XAF1: variants seen among roughly 807,000 people sequenced by gnomAD.
The protein encoded by XAF1 is XIAP-associated factor 1.
A neutral mutation model predicts 32.3 loss-of-function variants in XAF1; 32 were observed. The ratio of observed to expected loss-of-function variants is 0.99; its 90% CI spans 0.75 to 1.33. The LOEUF is 1.33. Ranked by LOEUF, XAF1 falls within the 40% of genes most tolerant of loss-of-function variation. The pLI is 0.00. For synonymous variants in XAF1, 120 were observed against 125.9 expected, an observed-to-expected ratio of 0.95 and a Z score of 0.31; for missense variants, 379 against 366.0, an observed-to-expected ratio of 1.04 and a Z score of -0.29.
At position 6,774,452 on chromosome 17, in the gene XAF1, A is replaced by G. The variant is rs1408014979; in HGVS notation, c.*1283A>G. On this transcript the variant is annotated 3_prime_UTR_variant, in exon 7 of 7. Transcript: ENST00000361842. ...TTAAAGACTTAAATGTAAAACCCCA[A>G]ACTATAAAAACTCTGGAAGATAACC... is the stretch of plus-strand genomic sequence containing the variant. 6.6e-6 allele frequency: 1 copy of G among 152,178 alleles called. No individual in the cohort carries two copies. Among genetic ancestry groups the G allele is most frequent in the Non-Finnish European group, 1.5e-5 (1 of 68,040 alleles). 9.4% of individuals were successfully genotyped at this position (152,178 alleles called of 1,614,324 possible).
intron 4 of XAF1, among the ~76,000 whole-genome samples, 194 bp downstream of exon 4, chr17:6,760,795 A>G (rs1975136693): frequency 6.6e-6 from 1 of 152,174 alleles, no homozygotes; most frequent in Non-Finnish European, 1.5e-5. Flanking sequence ...GTGGCCTTCA[A>G]ATGACTGGTC....
Position 6,760,475 on chromosome 17 carries a change from G to A in XAF1, c.295G>A (p.Glu99Lys), listed in dbSNP as rs765602611. ...CKLDMQLSKL[E>K]LHESYCGSRT... ...ACTGGACATGCAGCTCAGCAAGCTG[G>A]AGCTCCACGAGTCCTACTGTGGCAG... The change falls in exon 4 of 7, where the codon GAG becomes AAG. Residue 99 changes from glutamate to lysine, a missense_variant. Glu to Lys is a moderately conservative substitution (Grantham distance 56, BLOSUM62 1). Transcript: ENST00000361842. The A allele has an allele frequency of 6.2e-7, 1 of 1,613,336 alleles. No homozygotes were observed. The highest frequency in any genetic ancestry group is 8.5e-7 in the Non-Finnish European group (1 of 1,179,758).
intron 5 of XAF1, 113 bp downstream of exon 5, chr17:6,762,353 G>A (rs1975287008): frequency 1.2e-6 from 1 of 866,912 alleles, no homozygotes; most frequent in Admixed American, 3.0e-5. Context: ...GATATTAAAG[G>A]GTCCCATATT....
intron 5 of XAF1, among the ~76,000 whole-genome samples, chr17:6,764,349 A>G (rs903418680): frequency 1.3e-5 from 2 of 151,626 alleles, no homozygotes; most frequent in African/African-American, 2.4e-5. Context: ...GGTATAATAT[A>G]CCCTCTCTTT....
intron 5 of XAF1, among the ~76,000 whole-genome samples, chr17:6,765,884 G>T (rs1220144014): frequency 1.3e-5 from 2 of 152,074 alleles, no homozygotes; most frequent in African/African-American, 2.4e-5. Context: ...ACTGATTCTT[G>T]CCCCATTTTA....
intron 5 of XAF1, among the ~76,000 whole-genome samples, chr17:6,769,489 T>C (rs1416573742): frequency 6.6e-6 from 1 of 152,232 alleles, no homozygotes; most frequent in African/African-American, 2.4e-5. Flanking sequence ...TTTTCCCAGA[T>C]TTAATCATTT....
At chr17:6,767,395 T>A (rs1431278947) in intron 5 of XAF1, among the ~76,000 whole-genome samples, 1 of 152,136 alleles carries the variant, frequency 6.6e-6, no homozygotes, top group South Asian at 2.1e-4. Context: ...CCGAAGAAGA[T>A]TACAAGCAAA....
chr17:6,762,663 A>G (rs918690300), intron 5 of XAF1, among the ~76,000 whole-genome samples: 10 of 152,222 alleles, frequency 6.6e-5, no homozygotes, highest in African/African-American at 2.4e-4. Flanking sequence ...GTGCAAAAAG[A>G]GGACTCTGTA....
intron 6 of XAF1, among the ~76,000 whole-genome samples, chr17:6,772,573 C>T (rs1019336325): frequency 6.1e-5 from 9 of 148,062 alleles, no homozygotes; most frequent in African/African-American, 2.0e-4. Flanking sequence ...CGGGTTCAAG[C>T]GATTCTCCTG....
rs1454927645 is a variant in XAF1 at position 6,759,864 on chromosome 17, GC to G, written c.225+149del. 4.4e-6 allele frequency: 6 copies of G among 1,367,526 alleles called. No homozygotes were observed. The African/African-American group carries it at 7.1e-5, about 16-fold the overall frequency. 84.7% of individuals were successfully genotyped at this position (1,367,526 alleles called of 1,614,324 possible). A position where few individuals can be genotyped will look rare whatever the true frequency, so the allele number is the denominator to read the frequency against. On this transcript the variant is annotated intron_variant, in intron 3 of 6. Transcript: ENST00000361842. ...AGGCTTGGAGAGCAGTGGAGAACTA[GC>G]CCACCGCATAACACAGGTTCTCCTG... is the stretch of plus-strand genomic sequence containing the variant.
intron 4 of XAF1, among the ~76,000 whole-genome samples, chr17:6,761,366 A>G (rs1975191957): frequency 6.6e-6 from 1 of 152,204 alleles, no homozygotes; most frequent in African/African-American, 2.4e-5. Flanking sequence ...TCCATTATCA[A>G]CAATGGCCAG....
chr17:6,760,390 C>T lies in XAF1; in HGVS notation c.226-16C>T, dbSNP rs766983563. 19 of 1,598,710 alleles carry T rather than the reference C, an allele frequency of 1.2e-5. No homozygotes were observed. The highest frequency in any genetic ancestry group is 5.4e-5 in the African/African-American group (4 of 74,218). On this transcript the variant is annotated splice_polypyrimidine_tract_variant and intron_variant, in intron 3 of 6. Coordinates refer to ENST00000361842, the MANE Select transcript of XAF1 (RefSeq NM_017523.5). Reference sequence around the variant, plus strand: ...AAAAGGGCCAGTGATCATGCCCTTCCTGCTGCCTCCCACAGGCCAATGAGT... The same window carrying T: ...AAAAGGGCCAGTGATCATGCCCTTCTTGCTGCCTCCCACAGGCCAATGAGT...
At chr17:6,770,571 C>T in intron 5 of XAF1, 72 bp from the exon 6 acceptor site, 2 of 1,239,074 alleles carry the variant, frequency 1.6e-6, no homozygotes, top group Non-Finnish European at 2.3e-6. Flanking sequence ...CTTGTGTTAT[C>T]TAGTCTACTG....
At chr17:6,764,532 T>C (rs1441731327) in intron 5 of XAF1, among the ~76,000 whole-genome samples, 1 of 152,150 alleles carries the variant, frequency 6.6e-6, no homozygotes, top group Non-Finnish European at 1.5e-5. Flanking sequence ...GGTACCACTA[T>C]TGAATATTTA....
rs907155613 is a variant in XAF1, at chr17:6,775,376, A to G, written c.*2207A>G. The G allele has an allele frequency of 1.3e-5, 2 of 152,200 alleles. No homozygotes were observed. Among genetic ancestry groups the G allele is most frequent in the Non-Finnish European group, 2.9e-5 (2 of 68,038 alleles). 9.4% of individuals were successfully genotyped at this position (152,200 alleles called of 1,614,324 possible). A position where few individuals can be genotyped will look rare whatever the true frequency, so the allele number is the denominator to read the frequency against. On this transcript the variant is annotated 3_prime_UTR_variant, in exon 7 of 7. Transcript: ENST00000361842. ...ATAATCTGTACAACAAACCCTGGTG[A>G]CATGCAATTTACCTATATAGCAAGC...
chr17:6,759,842 C>A, intron 3 of XAF1, 124 bp downstream of exon 3: 3 of 1,538,714 alleles, frequency 1.9e-6, no homozygotes, highest in South Asian at 1.2e-5. Flanking sequence ...CCCCATTAGG[C>A]TTGGAGAGCA....
intron 1 of XAF1, 130 bp downstream of exon 1, chr17:6,756,240 G>GACC: frequency 6.5e-7 from 1 of 1,538,660 alleles, no homozygotes; most frequent in South Asian, 1.2e-5. Context: ...AGCAGCTGGA[G>GACC]ACCGTGGGCC....
In XAF1 at chr17:6,774,263, A is replaced by G. The variant is rs1461389159; in HGVS notation, c.*1094A>G. ...GAATAGAGGGCCCAGAAATAAAGCT[A>G]CACACCTACAACCATCTAATCTTTG... is the stretch of plus-strand genomic sequence containing the variant. On this transcript the variant is annotated 3_prime_UTR_variant, in exon 7 of 7. Transcript: ENST00000361842. 6.6e-6 allele frequency: 1 copy of G among 152,216 alleles called. No individual in the cohort carries two copies. Among genetic ancestry groups the G allele is most frequent in the Non-Finnish European group, 1.5e-5 (1 of 68,040 alleles). The allele number at this position is 152,216 out of a possible 1,614,324, so 9.4% of individuals were successfully genotyped here. A position where few individuals can be genotyped will look rare whatever the true frequency, so the allele number is the denominator to read the frequency against.
chr17:6,756,388 C>A, intron 1 of XAF1: 1 of 878,128 alleles, frequency 1.1e-6, no homozygotes, highest in Non-Finnish European at 1.6e-6. Flanking sequence ...GCCAGTGGTC[C>A]CAACTGGGCT....
Sources: gnomAD v4.1 joint callset for allele counts (sites outside exome capture counted in the v4.1 genomes callset) on GRCh38, gnomAD v4.1.1 for gene constraint, MANE v1.5 for transcripts, NCBI Gene and HGNC (gene_info 2026-07-23, HGNC 2026-07-21) for gene names.